The following CSMD2 variants were observed in gnomAD, a reference collection of about 807,000 sequenced individuals.
CSMD2 encodes the protein CUB and sushi domain-containing protein 2.
In CSMD2, 130 loss-of-function variants were observed where a neutral mutation model predicts 398.5. That is an observed-to-expected ratio of 0.33 (90% CI 0.28 to 0.38). The LOEUF is 0.38. Ranked by LOEUF, CSMD2 falls within the 10% of genes least tolerant of loss-of-function variation. The probability of loss-of-function intolerance (pLI) is 1.00; values close to 1 mark genes in which losing one functional copy is unlikely to be tolerated. For synonymous variants in CSMD2, 1,828 were observed against 1,908.5 expected (o/e 0.96, Z 1.10); for missense variants, 3,829 against 4,764.9 (o/e 0.80, Z 5.78).
rs960704843 is a variant in CSMD2 at position 33,616,788 on chromosome 1, C to G, written c.6016+118G>C. 53 of 748,668 alleles carry G rather than the reference C, an allele frequency of 7.1e-5. No homozygotes were observed. In the African/African-American group the frequency reaches 8.1e-4, roughly 11 times the overall value. The allele number at this position is 748,668 out of a possible 1,614,324, so 46.4% of individuals were successfully genotyped here. A position where few individuals can be genotyped will look rare whatever the true frequency, so the allele number is the denominator to read the frequency against. On this transcript the variant is annotated intron_variant, in intron 39 of 70. Coordinates refer to ENST00000373381, the MANE Select transcript of CSMD2 (RefSeq NM_001281956.2). Reference sequence around the variant, plus strand: ...TCAGTTTAAAATGACTGACTTGGAACAAATCCAGAATATCAAACTTTCTTC... The same window carrying G: ...TCAGTTTAAAATGACTGACTTGGAAGAAATCCAGAATATCAAACTTTCTTC...
intron 5 of CSMD2, chr1:33,878,214 T>A (rs1324255178): frequency 6.6e-6 from 1 of 152,210 alleles, no homozygotes; most frequent in Non-Finnish European, 1.5e-5. Context: ...AAGCTGAAAA[T>A]CCTGCTTTGT....
chr1:33,605,742 A>T, intron 41 of CSMD2: 1 of 843,576 alleles, frequency 1.2e-6, no homozygotes, highest in Admixed American at 2.7e-5. Flanking sequence ...ATCTATTATT[A>T]GTAATTCCGT....
At chr1:33,914,410 GTT>G (rs34610164) in intron 5 of CSMD2, among the ~76,000 whole-genome samples, 24,303 of 150,488 alleles carry the variant, frequency 0.16, 2,243 homozygotes, top group South Asian at 0.21. Context: ...GTGTGTGTGT[GTT>G]TGTGTGTATG....
chr1:34,134,587 A>T, intron 1 of CSMD2, among the ~76,000 whole-genome samples: 1 of 152,232 alleles, frequency 6.6e-6, no homozygotes, highest in East Asian at 1.9e-4. Context: ...GTGCATAAAT[A>T]TGTAGAATCT....
chr1:33,663,252 TC>T (rs1328095768), intron 25 of CSMD2, among the ~76,000 whole-genome samples, 160 bp from the exon 26 acceptor site: 1 of 152,142 alleles, frequency 6.6e-6, no homozygotes, highest in East Asian at 1.9e-4. Context: ...TCTGGCAGCA[TC>T]CTCATTTCAC....
At chr1:34,085,068 A>T (rs1657700679) in intron 2 of CSMD2, among the ~76,000 whole-genome samples, 1 of 152,224 alleles carries the variant, frequency 6.6e-6, no homozygotes, top group African/African-American at 2.4e-5. Context: ...TGATGAGTTC[A>T]TGTCCTTTGT....
rs1159266184 is a variant in CSMD2, at chr1:34,164,388, A to T, written c.187+523T>A. ...GCGGCCGCAGTCTGCAGTCGGTTCCAGAGGGGGCACCGGTTTCAATTGGAG... is the reference window on the plus strand; with the variant it reads ...GCGGCCGCAGTCTGCAGTCGGTTCCTGAGGGGGCACCGGTTTCAATTGGAG... On this transcript the variant is annotated intron_variant, in intron 1 of 70. Coordinates refer to ENST00000373381, the MANE Select transcript of CSMD2 (RefSeq NM_001281956.2). The surrounding 1 kb of genome is among the most constrained non-coding windows in gnomAD (Gnocchi z 6.2). Among the ~76,000 whole-genome samples, 1 of 151,966 alleles carries T rather than the reference A, an allele frequency of 6.6e-6. No individual in the cohort carries two copies. Among genetic ancestry groups the T allele is most frequent in the Admixed American group, 6.5e-5 (1 of 15,272 alleles).
intron 24 of CSMD2, among the ~76,000 whole-genome samples, chr1:33,694,948 CT>C (rs1377349577): frequency 1.3e-5 from 2 of 152,116 alleles, no homozygotes; most frequent in Non-Finnish European, 2.9e-5. Context: ...AGTTTACTGT[CT>C]AGTAGAGAAG....
At chr1:33,929,351 A>T (rs1644235243) in intron 4 of CSMD2, among the ~76,000 whole-genome samples, 1 of 151,854 alleles carries the variant, frequency 6.6e-6, no homozygotes, top group African/African-American at 2.4e-5. Flanking sequence ...GTGATCTTTT[A>T]AAAAAATTAA....
chr1:33,696,945 C>T (rs1457657578), intron 24 of CSMD2, among the ~76,000 whole-genome samples: 1 of 152,116 alleles, frequency 6.6e-6, no homozygotes, highest in Admixed American at 6.5e-5. Flanking sequence ...ATGATGAAGT[C>T]GACCACAACA....
In CSMD2 at chr1:33,721,547, A is replaced by G. The variant is rs551134897; in HGVS notation, c.3001+2650T>C. Among the ~76,000 whole-genome samples, 25 of 152,282 alleles carry G rather than the reference A, an allele frequency of 1.6e-4. No homozygotes were observed. In the South Asian group the frequency reaches 3.3e-3, roughly 20 times the overall value. On this transcript the variant is annotated intron_variant, in intron 19 of 70. Transcript: ENST00000373381. Reference sequence around the variant, plus strand: ...TCGTGAGGGGCTGCTTTTCTTTCCAATGGTCTCCTCTGACCAGGCTTGGTG... The same window carrying G: ...TCGTGAGGGGCTGCTTTTCTTTCCAGTGGTCTCCTCTGACCAGGCTTGGTG...
chr1:33,807,512 T>C (rs897266046), intron 10 of CSMD2, among the ~76,000 whole-genome samples: 5 of 152,170 alleles, frequency 3.3e-5, no homozygotes, highest in Admixed American at 6.5e-5. Flanking sequence ...AGAGAAGGAC[T>C]GATATACAAG....
chr1:33,567,874 C>T (rs893813193), intron 52 of CSMD2, 33 bp from the exon 53 acceptor site: 2 of 1,547,666 alleles, frequency 1.3e-6, no homozygotes, highest in Non-Finnish European at 1.7e-6. Flanking sequence ...AAAGGACCAA[C>T]TATCCCACAA....
chr1:33,673,718 C>T (rs999551959), intron 25 of CSMD2, among the ~76,000 whole-genome samples: 4 of 152,308 alleles, frequency 2.6e-5, no homozygotes, highest in Non-Finnish European at 4.4e-5. Flanking sequence ...AGAGAAAGGT[C>T]GGGTTACCCA....
rs775548979 is a variant in CSMD2, at chr1:33,658,121, G to A, written c.4272C>T (p.Ser1424=). The A allele has an allele frequency of 1.9e-6, 3 of 1,613,918 alleles. No individual in the cohort carries two copies. The Admixed American group carries it at 5.0e-5, about 27-fold the overall frequency. The change falls in exon 27 of 71, where the codon TCC becomes TCT. Residue 1424 remains serine, a synonymous_variant. Coordinates refer to ENST00000373381, the MANE Select transcript of CSMD2 (RefSeq NM_001281956.2). ...TCTGCGGGATCCCAGGGTCATTGCAGGACGTTGCTGTGGACACTGGGGCAA... is the reference window on the plus strand; with the variant it reads ...TCTGCGGGATCCCAGGGTCATTGCAAGACGTTGCTGTGGACACTGGGGCAA... The part of the protein sequence containing the change: ...AIQFSVSTAT[S]CNDPGIPQNG...
At chr1:33,782,606 G>A (rs1371670966) in intron 12 of CSMD2, among the ~76,000 whole-genome samples, 3 of 152,214 alleles carry the variant, frequency 2.0e-5, no homozygotes, top group Non-Finnish European at 4.4e-5. Context: ...TGTGCACTAG[G>A]AAGGTGGTAA....
chr1:34,164,198 G>A lies in CSMD2; in HGVS notation c.187+713C>T, dbSNP rs1248197717. On this transcript the variant is annotated intron_variant, in intron 1 of 70. Transcript: ENST00000373381. This position sits in a 1 kb window ranked among gnomAD's most constrained non-coding sequence, Gnocchi z 6.2. ...GCGGCGGCACTCCCTCCCCCGCCTC[G>A]GGCTACAACCCCCACCCCCTCCTTC... Among the ~76,000 whole-genome samples the A allele has an allele frequency of 6.6e-6, 1 of 151,250 alleles. No individual in the cohort carries two copies. Among genetic ancestry groups the A allele is most frequent in the African/African-American group, 2.4e-5 (1 of 41,170 alleles).
chr1:34,075,166 C>T lies in CSMD2; in HGVS notation c.404+13811G>A, dbSNP rs116249955. On this transcript the variant is annotated intron_variant, in intron 2 of 70. Coordinates refer to ENST00000373381, the MANE Select transcript of CSMD2 (RefSeq NM_001281956.2). ...AGCATGGTGGCTGGAACATAATAGCCGTTCAGTGTCCTCATTCCTTTGTTC... is the reference window on the plus strand; with the variant it reads ...AGCATGGTGGCTGGAACATAATAGCTGTTCAGTGTCCTCATTCCTTTGTTC... 7.2e-3 allele frequency among the ~76,000 whole-genome samples: 1,096 copies of T among 152,342 alleles called. 8 individuals carry two copies. Among genetic ancestry groups the T allele is most frequent in the Non-Finnish European group, 0.013 (872 of 68,036 alleles).
intron 22 of CSMD2, among the ~76,000 whole-genome samples, chr1:33,703,840 G>A (rs1248805350): frequency 6.6e-6 from 1 of 152,112 alleles, no homozygotes; most frequent in African/African-American, 2.4e-5. Context: ...CTGATACTTG[G>A]TATTTTAGGG....
Sources: gnomAD v4.1 joint callset for allele counts (sites outside exome capture counted in the v4.1 genomes callset) on GRCh38, gnomAD v4.1.1 for gene constraint, Gnocchi (gnomAD v3.1) non-coding constraint, MANE v1.5 for transcripts, NCBI Gene and HGNC (gene_info 2026-07-23, HGNC 2026-07-21) for gene names.